HOXA3: variants seen among roughly 807,000 people sequenced by gnomAD.
HOXA3 encodes the protein homeobox A3.
HOXA3 carries 8 observed loss-of-function variants against 30.3 expected under a neutral mutation model. That is an observed-to-expected ratio of 0.26 (90% CI 0.15 to 0.48). HOXA3 has a LOEUF of 0.48. Among genes scored for constraint, HOXA3 ranks in the 20% least tolerant of loss-of-function variants. The probability of loss-of-function intolerance (pLI) is 0.99; values close to 1 mark genes in which losing one functional copy is unlikely to be tolerated. For synonymous variants in HOXA3, 323 were observed against 273.1 expected (o/e 1.18, Z -1.80); for missense variants, 653 against 614.4 (o/e 1.06, Z -0.66).
chr7:27,129,768 G>A (rs1785440885), intron 2 of HOXA3, among the ~76,000 whole-genome samples: 1 of 152,208 alleles, frequency 6.6e-6, no homozygotes, highest in African/African-American at 2.4e-5. Context: ...GGAAACACCC[G>A]AGAGCCATAA....
At chr7:27,114,503 G>T (rs1466077216) in intron 4 of HOXA3, among the ~76,000 whole-genome samples, 1 of 151,742 alleles carries the variant, frequency 6.6e-6, no homozygotes, top group African/African-American at 2.4e-5. Flanking sequence ...AGCCAACTGG[G>T]CTCTCTTTGG....
intron 1 of HOXA3, chr7:27,151,429 T>G: frequency 9.1e-6 from 3 of 330,312 alleles, no homozygotes; most frequent in Non-Finnish European, 1.8e-5. Context: ...GATTGGGGGG[T>G]CCCCCTATCG....
At chr7:27,114,394 C>T (rs979620026) in intron 4 of HOXA3, among the ~76,000 whole-genome samples, 4 of 151,520 alleles carry the variant, frequency 2.6e-5, no homozygotes, top group Non-Finnish European at 4.4e-5. Flanking sequence ...AGTGAGTTTC[C>T]CAGACTTTGC....
At position 27,152,545 on chromosome 7, in the gene HOXA3, G is replaced by C. The variant is rs997974675; in HGVS notation, c.-751C>G. 8.5e-7 allele frequency: 1 copy of C among 1,183,032 alleles called. No individual in the cohort carries two copies. The highest frequency in any genetic ancestry group is 1.1e-6 in the Non-Finnish European group (1 of 939,430). 73.3% of individuals were successfully genotyped at this position (1,183,032 alleles called of 1,614,324 possible). Reference sequence around the variant, plus strand: ...CAGCCGAGCCCGGCTGGAAGGCAGAGCTCCGAAGCAGGCAGGACGGAGCGG... The same window carrying C: ...CAGCCGAGCCCGGCTGGAAGGCAGACCTCCGAAGCAGGCAGGACGGAGCGG... On this transcript the variant is annotated 5_prime_UTR_variant, in exon 1 of 6. Transcript: ENST00000612286.
chr7:27,120,638 C>T (rs1327440820), intron 4 of HOXA3, among the ~76,000 whole-genome samples: 1 of 152,070 alleles, frequency 6.6e-6, no homozygotes, highest in Non-Finnish European at 1.5e-5. Context: ...CATCTCAGCT[C>T]CAGCCTGGGG....
At chr7:27,143,700 C>T (rs1338163026) in intron 1 of HOXA3, 3 of 1,485,824 alleles carry the variant, frequency 2.0e-6, no homozygotes, top group Non-Finnish European at 2.7e-6. Context: ...ATGGAAATGA[C>T]TGGGACATGT....
At chr7:27,143,770 T>C in intron 1 of HOXA3, 6 of 1,339,176 alleles carry the variant, frequency 4.5e-6, no homozygotes, top group Non-Finnish European at 5.9e-6. Flanking sequence ...TCACGTGCTT[T>C]TGTTGTCCAG....
At chr7:27,145,796 G>C (rs773162689) in intron 1 of HOXA3, 1 of 1,614,146 alleles carries the variant, frequency 6.2e-7, no homozygotes, top group South Asian at 1.1e-5. Context: ...GCGCGTTGGC[G>C]ATCTCGATGC....
intron 2 of HOXA3, chr7:27,128,246 C>T (rs1785366858): frequency 6.6e-6 from 1 of 152,232 alleles, no homozygotes; most frequent in Admixed American, 6.5e-5. Context: ...GCCTGAAAGC[C>T]TGGCCAAGTT....
chr7:27,140,399 G>A (rs1220604869), intron 1 of HOXA3: 1 of 152,172 alleles, frequency 6.6e-6, no homozygotes, highest in Non-Finnish European at 1.5e-5. Context: ...ATGTCATATA[G>A]CCGGAACTGG....
chr7:27,109,929 G>C (rs1784265073), intron 5 of HOXA3, 186 bp downstream of exon 5: 1 of 666,890 alleles, frequency 1.5e-6, no homozygotes, highest in Non-Finnish European at 2.5e-6. Context: ...GTGTTTTCCA[G>C]CCTACAGAGG....
chr7:27,141,301 C>T (rs1782560908), intron 1 of HOXA3: 2 of 153,724 alleles, frequency 1.3e-5, no homozygotes, highest in Non-Finnish European at 2.9e-5. Flanking sequence ...TCACAGTTTT[C>T]ATCACAGAGT....
At position 27,110,601 on chromosome 7, in the gene HOXA3, C is replaced by T. The variant is rs765445228; in HGVS notation, c.40G>A (p.Gly14Ser). 14 of 1,607,130 alleles carry T rather than the reference C, an allele frequency of 8.7e-6. No individual in the cohort carries two copies. The highest frequency in any genetic ancestry group is 1.7e-5 in the Admixed American group (1 of 59,900). Residue 14 changes from glycine to serine, a missense_variant, in exon 5 of 6, where the codon GGT (glycine) becomes AGT (serine). Gly to Ser is a moderately conservative substitution (Grantham distance 56). Around this residue, in one of 3 missense-constraint regions of HOXA3, gnomAD observed 320 missense variants for 321.9 expected, o/e 0.99. Transcript: ENST00000612286. ...ATYYDSSAIY[G>S]GYPYQAANGF... ...TTGGCTGCCTGGTAGGGGTAGCCACCGTAGATCGCCGAGCTGTCGTAGTAG... is the reference window on the plus strand; with the variant it reads ...TTGGCTGCCTGGTAGGGGTAGCCACTGTAGATCGCCGAGCTGTCGTAGTAG...
intron 1 of HOXA3, 140 bp downstream of exon 1, chr7:27,152,147 TG>T (rs1213191212): frequency 1.2e-5 from 4 of 336,928 alleles, no homozygotes; most frequent in East Asian, 1.8e-4. Flanking sequence ...TAGTGTGTGA[TG>T]GGGGCAAGTG....
intron 4 of HOXA3, among the ~76,000 whole-genome samples, chr7:27,119,968 G>A (rs1421681591): frequency 1.3e-5 from 2 of 152,068 alleles, no homozygotes; most frequent in Non-Finnish European, 2.9e-5. Context: ...GTGAAAACCT[G>A]CCTCTCTCAG....
chr7:27,151,571 A>C (rs760434986), intron 1 of HOXA3: 1 of 456,560 alleles, frequency 2.2e-6, no homozygotes, highest in South Asian at 1.5e-5. Flanking sequence ...CTCCTCCAAC[A>C]CAGAATTCCA....
In HOXA3 at chr7:27,113,402, G is replaced by T. The variant is rs1453556596; in HGVS notation, c.-120-2642C>A. ...CCCCTGCCCACCTCTCCTTCCCTCT[G>T]CAACCCAGAAAAGTTAAGGCTGGGC... On this transcript the variant is annotated intron_variant, in intron 4 of 5. Transcript: ENST00000612286. The surrounding 1 kb of genome is among the most constrained non-coding windows in gnomAD (Gnocchi z 4.8). 1.3e-5 allele frequency among the ~76,000 whole-genome samples: 2 copies of T among 152,034 alleles called. No individual in the cohort carries two copies. Among genetic ancestry groups the T allele is most frequent in the African/African-American group, 4.8e-5 (2 of 41,406 alleles).
At chr7:27,110,917 G>A (rs966311500) in intron 4 of HOXA3, among the ~76,000 whole-genome samples, 157 bp from the exon 5 acceptor site, 2 of 152,236 alleles carry the variant, frequency 1.3e-5, no homozygotes, top group African/African-American at 4.8e-5. Flanking sequence ...ATAAAAAACC[G>A]CTGGAATTTA....
rs1438993065 is a variant in HOXA3, at chr7:27,152,530, C to T, written c.-736G>A. The T allele has an allele frequency of 5.1e-6, 6 of 1,179,212 alleles. No individual in the cohort carries two copies. In the East Asian group the frequency reaches 3.8e-4, roughly 74 times the overall value. 73.0% of individuals were successfully genotyped at this position (1,179,212 alleles called of 1,614,324 possible). A position where few individuals can be genotyped will look rare whatever the true frequency, so the allele number is the denominator to read the frequency against. On this transcript the variant is annotated 5_prime_UTR_variant, in exon 1 of 6. Transcript: ENST00000612286. ...TCTCCGGACAAAGCACAGCCGAGCCCGGCTGGAAGGCAGAGCTCCGAAGCA... is the reference window on the plus strand; with the variant it reads ...TCTCCGGACAAAGCACAGCCGAGCCTGGCTGGAAGGCAGAGCTCCGAAGCA...
Sources: allele counts gnomAD v4.1 joint callset (sites outside exome capture counted in the v4.1 genomes callset), GRCh38; gene constraint gnomAD v4.1.1; regional missense constraint gnomAD v4.1.1; non-coding constraint Gnocchi (gnomAD v3.1); transcripts MANE v1.5; gene names NCBI Gene and HGNC (gene_info 2026-07-23, HGNC 2026-07-21).